The following MCU variants were observed in gnomAD, a reference collection of about 807,000 sequenced individuals.
MCU encodes calcium uniporter protein, mitochondrial.
A neutral mutation model predicts 45.2 loss-of-function variants in MCU; 12 were observed. The ratio of observed to expected loss-of-function variants is 0.27; its 90% confidence interval spans 0.17 to 0.43. The LOEUF is 0.43. Among genes scored for constraint, MCU ranks in the 20% least tolerant of loss-of-function variants. The pLI is 1.00. For synonymous variants in MCU, 160 were observed against 165.1 expected, an observed-to-expected ratio of 0.97 and a Z score of 0.24; for missense variants, 324 against 436.7, an observed-to-expected ratio of 0.74 and a Z score of 2.30.
chr10:72,859,153 T>C (rs780179706), intron 2 of MCU, 24 bp from the exon 3 acceptor site: 6 of 1,539,590 alleles, frequency 3.9e-6, no homozygotes, highest in East Asian at 2.3e-5. Flanking sequence ...AATTATCATA[T>C]GTTTGTGGGT....
At chr10:72,807,178 G>A (rs1844465476) in intron 1 of MCU, among the ~76,000 whole-genome samples, 1 of 152,072 alleles carries the variant, frequency 6.6e-6, no homozygotes, top group Non-Finnish European at 1.5e-5. Flanking sequence ...AAAGCCTGAT[G>A]GCCACAAAGA....
chr10:72,789,126 G>A (rs145945567), intron 1 of MCU, among the ~76,000 whole-genome samples: 2 of 152,252 alleles, frequency 1.3e-5, no homozygotes, highest in Non-Finnish European at 2.9e-5. Flanking sequence ...AGGAAAATTC[G>A]AGGGCCAGCT....
At chr10:72,761,198 A>C (rs1049357251) in intron 1 of MCU, among the ~76,000 whole-genome samples, 1 of 152,244 alleles carries the variant, frequency 6.6e-6, no homozygotes, top group Non-Finnish European at 1.5e-5. Flanking sequence ...AATGTTTTGC[A>C]GTCCATTTTT....
intron 2 of MCU, among the ~76,000 whole-genome samples, chr10:72,846,611 G>T (rs1268484211): frequency 6.6e-6 from 1 of 152,058 alleles, no homozygotes; most frequent in Non-Finnish European, 1.5e-5. Flanking sequence ...TGTTTTAATT[G>T]TTCTATTTTT....
At chr10:72,839,274 G>T (rs7911632) in intron 2 of MCU, among the ~76,000 whole-genome samples, 69,298 of 152,004 alleles carry the variant, frequency 0.46, 19,984 homozygotes, top group Non-Finnish European at 0.67. Flanking sequence ...ACAGGGGTGA[G>T]CCACTGTGGC....
intron 1 of MCU, among the ~76,000 whole-genome samples, chr10:72,726,254 CACGTGTGT>C (rs1843099672): frequency 2.6e-5 from 2 of 77,070 alleles, no homozygotes; most frequent in Non-Finnish European, 5.4e-5. Flanking sequence ...CACACACACA[CACGTGTGT>C]GTGTGTGTGT....
intron 1 of MCU, chr10:72,766,865 A>G (rs1228139946): frequency 2.6e-5 from 4 of 152,192 alleles, no homozygotes; most frequent in Admixed American, 2.0e-4. Flanking sequence ...GAAAAATAAT[A>G]CTCAGAAGAG....
At chr10:72,806,441 T>G (rs1844452667) in intron 1 of MCU, among the ~76,000 whole-genome samples, 1 of 152,158 alleles carries the variant, frequency 6.6e-6, no homozygotes, top group Admixed American at 6.6e-5. Context: ...ATTACAGGCG[T>G]GAGCCACCGC....
Position 72,774,220 on chromosome 10 carries a change from TGTAG to T in MCU, c.151-60135_151-60132del, listed in dbSNP as rs1487955004. ...CAGCAACCTGTTAAGAGATAGGTAA[TGTAG>T]GTAATATTAAAAATGTAAATTGAGT... On this transcript the variant is annotated intron_variant, in intron 1 of 7. Coordinates refer to ENST00000373053, the MANE Select transcript of MCU (RefSeq NM_138357.3). Among the ~76,000 whole-genome samples the T allele has an allele frequency of 3.9e-5, 6 of 152,146 alleles. No individual in the cohort carries two copies. The East Asian group carries it at 1.2e-3, about 29-fold the overall frequency.
intron 1 of MCU, chr10:72,693,212 GAC>G (rs1842647615): frequency 3.5e-6 from 3 of 853,024 alleles, no homozygotes; most frequent in African/African-American, 1.7e-5. Context: ...GAGAGAGAGA[GAC>G]AGAGTGTGAG....
chr10:72,859,382 C>T (rs1845342367), intron 3 of MCU, 35 bp downstream of exon 3: 1 of 1,553,890 alleles, frequency 6.4e-7, no homozygotes, highest in African/African-American at 1.4e-5. Flanking sequence ...ACCATCTATC[C>T]CTCATTTCAC....
chr10:72,831,480 A>G (rs1353642610), intron 1 of MCU, among the ~76,000 whole-genome samples: 1 of 152,188 alleles, frequency 6.6e-6, no homozygotes, highest in Non-Finnish European at 1.5e-5. Flanking sequence ...AACATAAACT[A>G]TAAAATATAG....
rs188264423 is a variant in MCU at position 72,701,005 on chromosome 10, C to T, written c.150+8704C>T. ...CTGAAGTGTACTGCCTTGTAGGTAT[C>T]AATATCATTTAAACTTCTTTTTTGT... On this transcript the variant is annotated intron_variant, in intron 1 of 7. Transcript: ENST00000373053. Among the ~76,000 whole-genome samples the T allele has an allele frequency of 2.4e-3, 366 of 152,246 alleles. 4 individuals carry two copies. Among genetic ancestry groups the T allele is most frequent in the African/African-American group, 8.4e-3 (347 of 41,550 alleles).
chr10:72,830,047 A>C (rs1437414722), intron 1 of MCU, among the ~76,000 whole-genome samples: 2 of 152,244 alleles, frequency 1.3e-5, no homozygotes, highest in Non-Finnish European at 2.9e-5. Context: ...AAGGATCAAC[A>C]AACATTTTCT....
At chr10:72,776,101 G>A (rs1178863241) in intron 1 of MCU, among the ~76,000 whole-genome samples, 4 of 151,944 alleles carry the variant, frequency 2.6e-5, no homozygotes, top group Non-Finnish European at 5.9e-5. Flanking sequence ...CCAGGAGTTT[G>A]AAGCTGCAGT....
At chr10:72,739,740 G>A (rs1209855111) in intron 1 of MCU, among the ~76,000 whole-genome samples, 1 of 150,636 alleles carries the variant, frequency 6.6e-6, no homozygotes, top group Admixed American at 6.6e-5. Flanking sequence ...TCAGTGGTGC[G>A]ATCTCAGCTC....
chr10:72,852,415 T>C (rs148909492), intron 2 of MCU, among the ~76,000 whole-genome samples: 7 of 152,366 alleles, frequency 4.6e-5, no homozygotes, highest in African/African-American at 1.7e-4. Context: ...TTTTAGTTTT[T>C]ATGTAAAAAT....
Position 72,743,160 on chromosome 10 carries a change from G to A in MCU, c.150+50859G>A, listed in dbSNP as rs1482773318. Among the ~76,000 whole-genome samples the A allele has an allele frequency of 2.6e-5, 4 of 152,000 alleles. No individual in the cohort carries two copies. The East Asian group carries it at 7.7e-4, about 29-fold the overall frequency. ...GTGGTGGCTCACACCTGTAATCCCG[G>A]CACTTTGGGAGGCTGAGGCAGGTGG... is the stretch of plus-strand genomic sequence containing the variant. On this transcript the variant is annotated intron_variant, in intron 1 of 7. Transcript: ENST00000373053.
At chr10:72,847,106 G>A (rs1845134566) in intron 2 of MCU, among the ~76,000 whole-genome samples, 1 of 152,132 alleles carries the variant, frequency 6.6e-6, no homozygotes, top group East Asian at 1.9e-4. Context: ...CAAGTAACAG[G>A]GACTACAGGC....
Sources: allele counts gnomAD v4.1 joint callset (sites outside exome capture counted in the v4.1 genomes callset), GRCh38; gene constraint gnomAD v4.1.1; transcripts MANE v1.5; gene names NCBI Gene and HGNC (gene_info 2026-07-23, HGNC 2026-07-21).